The following ZFR variants were observed in gnomAD, a reference collection of about 807,000 sequenced individuals.
The protein encoded by ZFR is zinc finger RNA binding protein.
Under a neutral mutation model 130.7 loss-of-function variants are expected in ZFR, and 19 were observed. That is an observed-to-expected ratio of 0.15 (90% CI 0.10 to 0.21). The LOEUF (loss-of-function observed/expected upper bound fraction) is 0.21. Ranked by LOEUF, ZFR falls within the 10% of genes least tolerant of loss-of-function variation. ZFR has a pLI of 1.00. For missense variants in ZFR, 872 were observed against 1,321.5 expected (o/e 0.66, Z 5.27); for synonymous variants, 466 against 456.9 (o/e 1.02, Z -0.25).
At chr5:32,391,930 T>C (rs1753188787) in intron 11 of ZFR, among the ~76,000 whole-genome samples, 1 of 152,030 alleles carries the variant, frequency 6.6e-6, no homozygotes, top group African/African-American at 2.4e-5. Context: ...GATGGGGTCT[T>C]GTCATGTTGC....
Position 32,407,020 on chromosome 5 carries a change from A to T in ZFR, c.786T>A (p.Gly262=). ...TYSTTAVTYS[G]TSYSGYEAAV... ...CTGCTTCATAACCTGAATAAGACGT[A>T]CCTTACAAATAAAAATCAAACAAAA... The change falls in exon 6 of 20, where the codon GGT becomes GGA. Residue 262 remains glycine (G), a splice_region_variant and synonymous_variant. Coordinates refer to ENST00000265069, the MANE Select transcript of ZFR (RefSeq NM_016107.5). 2 of 1,484,804 alleles carry T rather than the reference A, an allele frequency of 1.3e-6. No homozygotes were observed. Among genetic ancestry groups the T allele is most frequent in the Non-Finnish European group, 1.8e-6 (2 of 1,117,318 alleles). The allele number at this position is 1,484,804 out of a possible 1,614,324, so 92.0% of individuals were successfully genotyped here.
intron 8 of ZFR, among the ~76,000 whole-genome samples, chr5:32,401,157 C>T (rs531093057): frequency 7.9e-5 from 12 of 152,272 alleles, no homozygotes; most frequent in African/African-American, 2.9e-4. Flanking sequence ...AAGAGAATAG[C>T]ATGTTAATTG....
chr5:32,411,518 G>A lies in ZFR; in HGVS notation c.784+3451C>T, dbSNP rs1349412699. On this transcript the variant is annotated intron_variant, in intron 5 of 19. Transcript: ENST00000265069. ...AGCTTGGCCACCATGGTAAAACCCC[G>A]TCTCTACTAAAAATACAAAAATGAG... Among the ~76,000 whole-genome samples, 5 of 151,684 alleles carry A rather than the reference G, an allele frequency of 3.3e-5. No individual in the cohort carries two copies. In the East Asian group the frequency reaches 9.7e-4, roughly 29 times the overall value.
intron 5 of ZFR, among the ~76,000 whole-genome samples, chr5:32,414,708 T>C (rs1007116103): frequency 6.6e-6 from 1 of 152,164 alleles, no homozygotes; most frequent in Non-Finnish European, 1.5e-5. Flanking sequence ...CTTCCTTTAA[T>C]TGCAATGCTA....
At chr5:32,358,395 G>A (rs973723701) in intron 19 of ZFR, among the ~76,000 whole-genome samples, 5 of 152,106 alleles carry the variant, frequency 3.3e-5, no homozygotes, top group Admixed American at 1.3e-4. Context: ...GCGCGGTGGC[G>A]CAAGCCTGTA....
intron 2 of ZFR, among the ~76,000 whole-genome samples, chr5:32,429,971 C>G (rs1393306612): frequency 6.7e-6 from 1 of 149,736 alleles, no homozygotes; most frequent in East Asian, 2.0e-4. Flanking sequence ...GGCAGGAGGA[C>G]TGCTTGAACC....
chr5:32,372,427 T>C (rs575847602), intron 17 of ZFR, among the ~76,000 whole-genome samples: 1 of 152,252 alleles, frequency 6.6e-6, no homozygotes, highest in East Asian at 1.9e-4. Context: ...TGGTTGACCC[T>C]TGAAAAACGT....
chr5:32,436,596 A>C (rs2111867227), intron 2 of ZFR, among the ~76,000 whole-genome samples: 1 of 152,326 alleles, frequency 6.6e-6, no homozygotes, highest in Middle Eastern at 3.4e-3. Context: ...TAGAGATATA[A>C]TATATGCCAG....
intron 8 of ZFR, 138 bp downstream of exon 8, chr5:32,402,968 G>A (rs1348344317): frequency 2.6e-6 from 2 of 763,568 alleles, no homozygotes; most frequent in Non-Finnish European, 4.2e-6. Flanking sequence ...CACACACTAG[G>A]CAGATATGTG....
intron 2 of ZFR, among the ~76,000 whole-genome samples, chr5:32,436,065 C>T (rs1160450168): frequency 6.6e-6 from 1 of 151,200 alleles, no homozygotes. Context: ...ACCCTAAATT[C>T]TCCTGGCTCT....
intron 17 of ZFR, among the ~76,000 whole-genome samples, chr5:32,373,445 T>C (rs1302418872): frequency 6.6e-6 from 1 of 152,136 alleles, no homozygotes; most frequent in Non-Finnish European, 1.5e-5. Context: ...GGTTTAAAGA[T>C]AGTATGAAAA....
Position 32,404,027 on chromosome 5 carries a change from G to C in ZFR, c.1103C>G (p.Thr368Ser). The change falls in exon 7 of 20, where the codon ACC (threonine) becomes AGC (serine). Residue 368 changes from threonine (T) to serine (S), a missense_variant. By Grantham distance (58) the Thr-to-Ser change is moderately conservative. Around this residue, in one of 7 missense-constraint regions of ZFR, gnomAD observed 31 missense variants for 21.8 expected, o/e 1.42. Transcript: ENST00000265069. ...KEAALKASQN[T>S]SSSNSSTRGT... ...ACGAGTAGAACTGTTGCTGCTGCTG[G>C]TATTTTGTGAGGCTTTCAATGCAGC... 1 of 1,613,944 alleles carries C rather than the reference G, an allele frequency of 6.2e-7. No homozygotes were observed. Among genetic ancestry groups the C allele is most frequent in the Non-Finnish European group, 8.5e-7 (1 of 1,179,910 alleles).
Position 32,418,272 on chromosome 5 carries a change from G to GA in ZFR, c.421-481dup, listed in dbSNP as rs1289438599. Among the ~76,000 whole-genome samples, 175 of 97,228 alleles carry GA rather than the reference G, an allele frequency of 1.8e-3. 2 individuals carry two copies. Among genetic ancestry groups the GA allele is most frequent in the African/African-American group, 6.3e-3 (164 of 25,984 alleles). The allele number at this position is 97,228 out of a possible 152,430, so 63.8% of individuals were successfully genotyped here. On this transcript the variant is annotated intron_variant, in intron 3 of 19. Transcript: ENST00000265069. ...GAGATTCTGCCTCAAAAAAAAAAAA[G>GA]AAAAAAAAAAAATCAAAAGCATTTC...
At chr5:32,391,763 CT>C (rs956846485) in intron 11 of ZFR, among the ~76,000 whole-genome samples, 62 of 151,792 alleles carry the variant, frequency 4.1e-4, no homozygotes, top group African/African-American at 1.3e-3. Context: ...ATAAGCAGTG[CT>C]TTTTTTTCCC....
chr5:32,428,685 C>T (rs879560501), intron 2 of ZFR, among the ~76,000 whole-genome samples: 3 of 152,198 alleles, frequency 2.0e-5, no homozygotes, highest in Admixed American at 6.5e-5. Flanking sequence ...AGTCTGCCTA[C>T]CACACTTTGA....
At chr5:32,356,016 C>A in intron 19 of ZFR, 77 bp from the exon 20 acceptor site, 1 of 1,152,810 alleles carries the variant, frequency 8.7e-7, no homozygotes, top group Non-Finnish European at 1.2e-6. Flanking sequence ...TACCTCCCTC[C>A]AAATGCAACC....
chr5:32,423,569 A>T (rs1754002279), intron 2 of ZFR, among the ~76,000 whole-genome samples: 2 of 152,228 alleles, frequency 1.3e-5, no homozygotes, highest in South Asian at 4.1e-4. Flanking sequence ...AGATAAATAT[A>T]TGAAAAATAC....
intron 12 of ZFR, among the ~76,000 whole-genome samples, chr5:32,390,003 T>G (rs934879112): frequency 4.6e-5 from 7 of 152,116 alleles, no homozygotes; most frequent in Non-Finnish European, 8.8e-5. Flanking sequence ...ATACAAAAAT[T>G]AGCCAAGTGT....
chr5:32,433,628 G>A (rs1002614687), intron 2 of ZFR, among the ~76,000 whole-genome samples: 1 of 152,104 alleles, frequency 6.6e-6, no homozygotes, highest in Non-Finnish European at 1.5e-5. Context: ...CTCCCTACCT[G>A]CAAAACATTT....
Sources: allele counts gnomAD v4.1 joint callset (sites outside exome capture counted in the v4.1 genomes callset), GRCh38; gene constraint gnomAD v4.1.1; regional missense constraint gnomAD v4.1.1; transcripts MANE v1.5; gene names NCBI Gene and HGNC (gene_info 2026-07-23, HGNC 2026-07-21).